Variants in CELF4 observed in about 807,000 individuals in gnomAD.
CELF4 encodes CUG-BP- and ETR-3-like factor 4.
In CELF4, 18 loss-of-function variants were observed where a neutral mutation model predicts 59.9. The observed-to-expected ratio is 0.30, with a 90% CI of 0.21 to 0.45. CELF4 has a LOEUF of 0.45. CELF4 is among the 20% of genes least tolerant of loss of function. The pLI is 1.00. For synonymous variants in CELF4, 261 were observed against 267.1 expected (o/e 0.98, Z 0.22); for missense variants, 456 against 689.0 (o/e 0.66, Z 3.79).
chr18:37,272,957 G>C, intron 7 of CELF4, 59 bp downstream of exon 7: 2 of 1,529,828 alleles, frequency 1.3e-6, no homozygotes, highest in Non-Finnish European at 1.8e-6. Context: ...TTAGGTCCCA[G>C]CCTGGGGCCA....
At chr18:37,274,738 G>A (rs774295794) in intron 5 of CELF4, 67 bp downstream of exon 5, 1 of 1,510,740 alleles carries the variant, frequency 6.6e-7, no homozygotes, top group Non-Finnish European at 8.8e-7. Flanking sequence ...AGCCGGCGGG[G>A]CGTGGCGGGT....
At chr18:37,419,613 C>T (rs991598500) in intron 2 of CELF4, among the ~76,000 whole-genome samples, 11 of 152,100 alleles carry the variant, frequency 7.2e-5, no homozygotes, top group African/African-American at 2.2e-4. Context: ...TGTGGACACA[C>T]GTTCTCCTAT....
chr18:37,495,570 T>C (rs2099924252), intron 1 of CELF4, among the ~76,000 whole-genome samples: 1 of 152,140 alleles, frequency 6.6e-6, no homozygotes, highest in South Asian at 2.1e-4. Flanking sequence ...TGCTTGGTTG[T>C]GTGTGTGTCT....
intron 2 of CELF4, among the ~76,000 whole-genome samples, chr18:37,360,631 G>A (rs116370204): frequency 0.019 from 2,938 of 152,306 alleles, 89 homozygotes; most frequent in African/African-American, 0.067. Flanking sequence ...GAGCCTGTCT[G>A]GAGGCAGGCA....
At chr18:37,472,715 G>A (rs1458525229) in intron 2 of CELF4, among the ~76,000 whole-genome samples, 1 of 152,192 alleles carries the variant, frequency 6.6e-6, no homozygotes. Context: ...TTTAAGGCAT[G>A]AGCCTGCCCA....
chr18:37,504,157 T>C (rs1232208951), intron 1 of CELF4, among the ~76,000 whole-genome samples: 1 of 152,210 alleles, frequency 6.6e-6, no homozygotes, highest in Non-Finnish European at 1.5e-5. Context: ...TGAGCTGATC[T>C]GTGCAGCCTG....
At chr18:37,505,712 A>T (rs1165727006) in intron 1 of CELF4, among the ~76,000 whole-genome samples, 2 of 152,112 alleles carry the variant, frequency 1.3e-5, no homozygotes, top group Non-Finnish European at 2.9e-5. Flanking sequence ...CTTCCTGGCT[A>T]TGTGATGTTG....
chr18:37,300,872 A>G (rs1232090448), intron 3 of CELF4, among the ~76,000 whole-genome samples: 1 of 152,210 alleles, frequency 6.6e-6, no homozygotes, highest in East Asian at 1.9e-4. Flanking sequence ...CAGAGGGAGC[A>G]GCTAGTGCAA....
intron 1 of CELF4, among the ~76,000 whole-genome samples, chr18:37,514,947 G>A (rs1295573406): frequency 6.6e-6 from 1 of 152,082 alleles, no homozygotes; most frequent in Non-Finnish European, 1.5e-5. Context: ...ATGTATCCAA[G>A]CATTAAAAGA....
At chr18:37,422,742 C>T (rs1163557597) in intron 2 of CELF4, among the ~76,000 whole-genome samples, 1 of 152,160 alleles carries the variant, frequency 6.6e-6, no homozygotes, top group East Asian at 1.9e-4. Flanking sequence ...CTGTTACATT[C>T]GTGGCCATAG....
rs543237825 is a variant in CELF4 at position 37,515,598 on chromosome 18, C to T, written c.287-29991G>A. Among the ~76,000 whole-genome samples the T allele has an allele frequency of 3.3e-5, 5 of 152,270 alleles. No individual in the cohort carries two copies. The South Asian group carries it at 8.3e-4, about 25-fold the overall frequency. ...CTGGAGGGAGACAGGCCTCCCTACT[C>T]GTGGAGCTCACAGCTTGACTGGGAC... On this transcript the variant is annotated intron_variant, in intron 1 of 12. Transcript: ENST00000420428.
chr18:37,494,109 C>A (rs2099922132), intron 1 of CELF4, among the ~76,000 whole-genome samples: 1 of 152,192 alleles, frequency 6.6e-6, no homozygotes, highest in Non-Finnish European at 1.5e-5. Flanking sequence ...TGGCTCTGGA[C>A]AAGGAGGTGC....
intron 2 of CELF4, among the ~76,000 whole-genome samples, chr18:37,484,568 T>C (rs569878799): frequency 2.6e-5 from 4 of 152,114 alleles, no homozygotes; most frequent in Non-Finnish European, 5.9e-5. Context: ...GTAATTCAGC[T>C]CTCCCCACCC....
At chr18:37,341,840 G>A (rs1015905820) in intron 2 of CELF4, among the ~76,000 whole-genome samples, 24 of 152,120 alleles carry the variant, frequency 1.6e-4, no homozygotes, top group Admixed American at 5.9e-4. Flanking sequence ...GGCACTTATC[G>A]TTCTAATGGA....
chr18:37,437,840 G>A, intron 2 of CELF4, among the ~76,000 whole-genome samples: 1 of 152,224 alleles, frequency 6.6e-6, no homozygotes, highest in African/African-American at 2.4e-5. Context: ...TTAAGGACTT[G>A]ACGTTTGTGT....
intron 2 of CELF4, among the ~76,000 whole-genome samples, chr18:37,448,041 C>T (rs930594415): frequency 5.3e-5 from 8 of 152,206 alleles, no homozygotes; most frequent in African/African-American, 4.8e-5. Flanking sequence ...TCTGAGTACA[C>T]GGTGGCATTC....
intron 1 of CELF4, among the ~76,000 whole-genome samples, chr18:37,536,893 G>A: frequency 6.6e-6 from 1 of 152,152 alleles, no homozygotes; most frequent in Non-Finnish European, 1.5e-5. Context: ...AGGGAGAGAG[G>A]AGATGCCCCA....
At chr18:37,505,153 G>C (rs1321498113) in intron 1 of CELF4, among the ~76,000 whole-genome samples, 1 of 151,846 alleles carries the variant, frequency 6.6e-6, no homozygotes, top group Non-Finnish European at 1.5e-5. Flanking sequence ...CTGTCCCAGA[G>C]GGAAGTGAGG....
chr18:37,410,078 G>A (rs1424963860), intron 2 of CELF4, among the ~76,000 whole-genome samples: 2 of 152,140 alleles, frequency 1.3e-5, no homozygotes, highest in Non-Finnish European at 2.9e-5. Flanking sequence ...TGGACTGAGC[G>A]GCTGCCACTC....
Sources: gnomAD v4.1 joint callset for allele counts (sites outside exome capture counted in the v4.1 genomes callset) on GRCh38, gnomAD v4.1.1 for gene constraint, MANE v1.5 for transcripts, NCBI Gene and HGNC (gene_info 2026-07-23, HGNC 2026-07-21) for gene names.